The following ARMC10 variants were observed in gnomAD, a reference collection of about 807,000 sequenced individuals.
ARMC10 encodes the protein armadillo repeat-containing protein 10.
Under a neutral mutation model 30.2 loss-of-function variants are expected in ARMC10, and 23 were observed. The observed-to-expected ratio is 0.76, with a 90% CI of 0.55 to 1.08. ARMC10 has a LOEUF of 1.08. Among genes scored for constraint, ARMC10 ranks in the 50% least tolerant of loss-of-function variants. The pLI, the probability that ARMC10 is intolerant of heterozygous loss-of-function variation, is 0.00. For missense variants in ARMC10, 303 were observed against 413.7 expected (o/e 0.73, Z 2.32); for synonymous variants, 111 against 164.4 (o/e 0.68, Z 2.48).
chr7:103,083,609 G>A, intron 2 of ARMC10, 73 bp from the exon 3 acceptor site: 1 of 1,354,492 alleles, frequency 7.4e-7, no homozygotes, highest in Non-Finnish European at 1.0e-6. Flanking sequence ...CTGGGTGACA[G>A]AGTGAGAGCC....
chr7:103,083,913 T>A (rs564059392), intron 3 of ARMC10, 83 bp downstream of exon 3: 226 of 1,532,690 alleles, frequency 1.5e-4, no homozygotes, highest in Non-Finnish European at 1.9e-4. Context: ...TTACTTAACC[T>A]CTCAGACCCT....
intron 4 of ARMC10, chr7:103,088,783 C>A: frequency 5.5e-6 from 1 of 181,838 alleles, no homozygotes; most frequent in South Asian, 1.3e-4. Flanking sequence ...AACCAATTTC[C>A]ATTCCAGCTT....
At chr7:103,097,705 T>C (rs376360600) in intron 6 of ARMC10, among the ~76,000 whole-genome samples, 2 of 152,190 alleles carry the variant, frequency 1.3e-5, no homozygotes, top group African/African-American at 2.4e-5. Flanking sequence ...CAGCATATGC[T>C]AGATGAGACA....
At chr7:103,092,189 C>T (rs181635098) in intron 4 of ARMC10, among the ~76,000 whole-genome samples, 89 of 152,014 alleles carry the variant, frequency 5.9e-4, no homozygotes, top group African/African-American at 2.0e-3. Flanking sequence ...AAAAATTAGC[C>T]GGGCGTGGTG....
intron 3 of ARMC10, among the ~76,000 whole-genome samples, chr7:103,085,116 C>T (rs1800719235): frequency 6.6e-6 from 1 of 150,722 alleles, no homozygotes; most frequent in South Asian, 2.1e-4. Flanking sequence ...AGAAGTATTT[C>T]TGATGGCATA....
intron 5 of ARMC10, 27 bp from the exon 6 acceptor site, chr7:103,097,250 A>C (rs1281457565): frequency 3.8e-6 from 6 of 1,589,800 alleles, no homozygotes; most frequent in Non-Finnish European, 5.2e-6. Flanking sequence ...TGCCAGTCTG[A>C]GATAAGCCAG....
At chr7:103,076,730 G>T (rs937027857) in intron 2 of ARMC10, among the ~76,000 whole-genome samples, 5 of 152,164 alleles carry the variant, frequency 3.3e-5, no homozygotes, top group African/African-American at 1.2e-4. Flanking sequence ...AGCTACTCAG[G>T]AGGCTGAGGC....
At chr7:103,078,432 C>T (rs1051246784) in intron 2 of ARMC10, among the ~76,000 whole-genome samples, 1 of 152,206 alleles carries the variant, frequency 6.6e-6, no homozygotes, top group Admixed American at 6.5e-5. Flanking sequence ...CCCCTTTGCT[C>T]TGCACTCCTT....
intron 4 of ARMC10, 77 bp downstream of exon 4, chr7:103,086,841 T>A: frequency 6.4e-7 from 1 of 1,560,572 alleles, no homozygotes; most frequent in Non-Finnish European, 8.7e-7. Context: ...AATGAAACTT[T>A]AGTAGACTAT....
intron 2 of ARMC10, among the ~76,000 whole-genome samples, chr7:103,079,963 A>T (rs1800230844): frequency 6.6e-6 from 1 of 152,174 alleles, no homozygotes; most frequent in South Asian, 2.1e-4. Flanking sequence ...GTTATCTTGA[A>T]ATTTGTCTTG....
intron 2 of ARMC10, among the ~76,000 whole-genome samples, chr7:103,077,518 C>G (rs1188271297): frequency 6.6e-6 from 1 of 152,098 alleles, no homozygotes; most frequent in Non-Finnish European, 1.5e-5. Context: ...CATGCTGACT[C>G]AGGTCTCTTG....
At chr7:103,085,974 A>T (rs1398238286) in intron 3 of ARMC10, among the ~76,000 whole-genome samples, 2 of 152,038 alleles carry the variant, frequency 1.3e-5, no homozygotes, top group African/African-American at 4.8e-5. Context: ...GTGCGTTCCC[A>T]CCACTTCCAC....
chr7:103,099,699 T>C lies in ARMC10; in HGVS notation c.*1146T>C, dbSNP rs1802109111. ...TCTACGTACACACTGTTCTACTGTT[T>C]GAATTTTTTAATATGAGCCCAAATT... On this transcript the variant is annotated 3_prime_UTR_variant, in exon 7 of 7. Coordinates refer to ENST00000323716, the MANE Select transcript of ARMC10 (RefSeq NM_031905.5). 6.6e-6 allele frequency: 1 copy of C among 151,104 alleles called. No homozygotes were observed. The highest frequency in any genetic ancestry group is 1.5e-5 in the Non-Finnish European group (1 of 67,782). The allele number at this position is 151,104 out of a possible 1,614,324, so 9.4% of individuals were successfully genotyped here. A position where few individuals can be genotyped will look rare whatever the true frequency, so the allele number is the denominator to read the frequency against.
intron 3 of ARMC10, among the ~76,000 whole-genome samples, chr7:103,085,890 C>T (rs1458867552): frequency 1.3e-5 from 2 of 152,146 alleles, no homozygotes; most frequent in African/African-American, 2.4e-5. Flanking sequence ...GCTGGGATTA[C>T]AGGTGTGAGC....
At chr7:103,097,647 G>T (rs1268391765) in intron 6 of ARMC10, among the ~76,000 whole-genome samples, 1 of 152,160 alleles carries the variant, frequency 6.6e-6, no homozygotes, top group Non-Finnish European at 1.5e-5. Context: ...TGAACTGTTT[G>T]TGTTTACATG....
chr7:103,077,520 G>A (rs116805492), intron 2 of ARMC10, among the ~76,000 whole-genome samples: 1,673 of 152,180 alleles, frequency 0.011, 35 homozygotes, highest in African/African-American at 0.039. Flanking sequence ...TGCTGACTCA[G>A]GTCTCTTGTT....
chr7:103,086,875 A>C, intron 4 of ARMC10, 111 bp downstream of exon 4: 2 of 1,535,028 alleles, frequency 1.3e-6, no homozygotes, highest in Non-Finnish European at 1.8e-6. Context: ...ACAGCCAAGG[A>C]TTACCTTTAG....
rs149251335 is a variant in ARMC10, at chr7:103,080,317, C to T, written c.245-3365C>T. ...TCGCCCAGGCTGGAGTGCTGTGGTG[C>T]GATCTCAGCTCACTGCAACCTCTGC... On this transcript the variant is annotated intron_variant, in intron 2 of 6. Coordinates refer to ENST00000323716, the MANE Select transcript of ARMC10 (RefSeq NM_031905.5). 1.1e-3 allele frequency among the ~76,000 whole-genome samples: 166 copies of T among 149,938 alleles called. 1 individual carries two copies. Among genetic ancestry groups the T allele is most frequent in the African/African-American group, 3.4e-3 (138 of 40,776 alleles).
intron 2 of ARMC10, among the ~76,000 whole-genome samples, chr7:103,078,492 A>G (rs1419570699): frequency 1.3e-5 from 2 of 152,150 alleles, no homozygotes; most frequent in Non-Finnish European, 2.9e-5. Flanking sequence ...CCCTTCCACC[A>G]TGATTGTAAG....
Sources: allele counts gnomAD v4.1 joint callset (sites outside exome capture counted in the v4.1 genomes callset), GRCh38; gene constraint gnomAD v4.1.1; transcripts MANE v1.5; gene names NCBI Gene and HGNC (gene_info 2026-07-23, HGNC 2026-07-21).